Variants in PCDHGA11 observed in about 807,000 individuals in gnomAD.
PCDHGA11 encodes protocadherin gamma-A11.
In PCDHGA11, 39 loss-of-function variants were observed where a neutral mutation model predicts 60.4. The ratio of observed to expected loss-of-function variants is 0.65; its 90% CI spans 0.50 to 0.84. The LOEUF (loss-of-function observed/expected upper bound fraction) is 0.84. PCDHGA11 is among the 40% of genes least tolerant of loss of function. The pLI is 0.00. For missense variants in PCDHGA11, 1,165 were observed against 1,197.7 expected, an observed-to-expected ratio of 0.97 and a Z score of 0.40; for synonymous variants, 533 against 510.3, an observed-to-expected ratio of 1.04 and a Z score of -0.60.
intron 1 of PCDHGA11, among the ~76,000 whole-genome samples, chr5:141,457,656 G>T (rs2098926936): frequency 6.6e-6 from 1 of 152,244 alleles, no homozygotes; most frequent in Non-Finnish European, 1.5e-5. Context: ...ATGAAGTGCA[G>T]CAAGAATGGT....
At chr5:141,483,104 A>G (rs2099577128) in intron 1 of PCDHGA11, among the ~76,000 whole-genome samples, 1 of 152,140 alleles carries the variant, frequency 6.6e-6, no homozygotes, top group African/African-American at 2.4e-5. Flanking sequence ...GTGTGCGTGT[A>G]AAACAGACAG....
At chr5:141,437,205 A>G (rs1561884114) in intron 1 of PCDHGA11, among the ~76,000 whole-genome samples, 1 of 152,202 alleles carries the variant, frequency 6.6e-6, no homozygotes, top group African/African-American at 2.4e-5. Context: ...ATGTGTTTAC[A>G]TTTATTCTGA....
At position 141,429,387 on chromosome 5, in the gene PCDHGA11, TAAAAA is replaced by T. The variant is rs11410533; in HGVS notation, c.2433+5731_2433+5735del. On this transcript the variant is annotated intron_variant, in intron 1 of 3. Transcript: ENST00000398587. ...AAATGGAGAAAATGTGTTTTTTTTT[TAAAAA>T]AAATTGAGATTAAGGTCTCATTATG... 8.8e-4 allele frequency among the ~76,000 whole-genome samples: 134 copies of T among 151,448 alleles called. 1 individual carries two copies. Among genetic ancestry groups the T allele is most frequent in the Non-Finnish European group, 1.5e-3 (103 of 67,818 alleles).
chr5:141,477,705 G>A lies in PCDHGA11; in HGVS notation c.2434-17102G>A, dbSNP rs1285254654. On this transcript the variant is annotated intron_variant, in intron 1 of 3. Coordinates refer to ENST00000398587, the MANE Select transcript of PCDHGA11 (RefSeq NM_018914.3). The surrounding 1 kb of genome is among the most constrained non-coding windows in gnomAD (Gnocchi z 4.9). ...TTAGTGCCCCTAGACTATGAGGATCGGCGGGAATTTGAATTAACAGCTCAT... is the reference window on the plus strand; with the variant it reads ...TTAGTGCCCCTAGACTATGAGGATCAGCGGGAATTTGAATTAACAGCTCAT... The A allele has an allele frequency of 6.2e-7, 1 of 1,614,008 alleles. No homozygotes were observed. Among genetic ancestry groups the A allele is most frequent in the Non-Finnish European group, 8.5e-7 (1 of 1,180,048 alleles).
At chr5:141,444,876 G>A (rs921183358) in intron 1 of PCDHGA11, among the ~76,000 whole-genome samples, 1 of 152,186 alleles carries the variant, frequency 6.6e-6, no homozygotes, top group African/African-American at 2.4e-5. Flanking sequence ...GACAAAGCTT[G>A]TAGGATTTTT....
At chr5:141,428,102 G>T (rs774075619) in intron 1 of PCDHGA11, 38 of 1,608,516 alleles carry the variant, frequency 2.4e-5, no homozygotes, top group Non-Finnish European at 3.2e-5. Flanking sequence ...CCTACCACGT[G>T]CTGCAGGCCA....
rs771827702 is a variant in PCDHGA11, at chr5:141,423,567, C to T, written c.2340C>T (p.Leu780=). Residue 780 remains leucine, a synonymous_variant, in exon 1 of 4, where the codon CTC becomes CTT. Transcript: ENST00000398587. ...IFPQPNYGDT[L]ISQESCEKSE... ...CCCAGCCCAACTATGGGGACACGCT[C>T]ATCAGCCAGGAGAGCTGTGAGAAAA... The T allele has an allele frequency of 2.5e-6, 4 of 1,613,602 alleles. No individual in the cohort carries two copies. The highest frequency in any genetic ancestry group is 1.7e-5 in the Admixed American group (1 of 60,018).
At chr5:141,470,858 TTTTG>T (rs775688955) in intron 1 of PCDHGA11, among the ~76,000 whole-genome samples, 79 of 151,956 alleles carry the variant, frequency 5.2e-4, no homozygotes, top group Non-Finnish European at 3.5e-4. Context: ...CAGATAAGTT[TTTTG>T]TTTGTTTGTT....
At chr5:141,433,361 A>G (rs1208326325) in intron 1 of PCDHGA11, 15 of 297,508 alleles carry the variant, frequency 5.0e-5, no homozygotes, top group Non-Finnish European at 7.0e-5. Context: ...CTGTCTGCCT[A>G]TCTATCTATC....
chr5:141,471,124 A>C (rs2099250596), intron 1 of PCDHGA11, among the ~76,000 whole-genome samples: 1 of 141,916 alleles, frequency 7.0e-6, no homozygotes, highest in East Asian at 2.1e-4. Flanking sequence ...TCTTACCTTC[A>C]CTGCAACCTC....
intron 1 of PCDHGA11, among the ~76,000 whole-genome samples, chr5:141,484,179 A>G (rs2099592960): frequency 6.6e-6 from 1 of 152,222 alleles, no homozygotes; most frequent in South Asian, 2.1e-4. Context: ...GATCTCAATC[A>G]TTCAAGGAAG....
In PCDHGA11 at chr5:141,489,782, A is replaced by C. The variant is rs770399288; in HGVS notation, c.2434-5025A>C. On this transcript the variant is annotated intron_variant, in intron 1 of 3. Coordinates refer to ENST00000398587, the MANE Select transcript of PCDHGA11 (RefSeq NM_018914.3). The surrounding 1 kb of genome is among the most constrained non-coding windows in gnomAD (Gnocchi z 4.5). ...AGCCCCAACAGCCACTTCTCTCTGA[A>C]TGTGAAGACCCTAAAAGATGGGAAG... 2 of 1,614,078 alleles carry C rather than the reference A, an allele frequency of 1.2e-6. No homozygotes were observed. The highest frequency in any genetic ancestry group is 2.2e-5 in the East Asian group (1 of 44,894).
chr5:141,472,673 C>T (rs2099292538), intron 1 of PCDHGA11, among the ~76,000 whole-genome samples: 3 of 151,340 alleles, frequency 2.0e-5, no homozygotes, highest in Admixed American at 2.0e-4. Context: ...GTATACTGGT[C>T]CTTCCATTTC....
chr5:141,508,867 G>A (rs2099872497), intron 3 of PCDHGA11, among the ~76,000 whole-genome samples: 1 of 152,108 alleles, frequency 6.6e-6, no homozygotes. Flanking sequence ...GGGAAAGGCT[G>A]AAGAGGCTGA....
At position 141,423,513 on chromosome 5, in the gene PCDHGA11, G is replaced by A; in HGVS notation, c.2286G>A (p.Ala762=). 1.2e-6 allele frequency: 2 copies of A among 1,613,750 alleles called. No homozygotes were observed. Residue 762 remains alanine (A), a synonymous_variant, in exon 1 of 4, where the codon GCG becomes GCA. Transcript: ENST00000398587. The part of the protein sequence containing the change: ...QTYSHEVSLI[A]DSQKSHLIFP... ...ATTCCCACGAGGTCTCTCTCATTGC[G>A]GACTCGCAGAAGAGTCACCTGATTT...
chr5:141,501,331 A>ACC (rs906542724), intron 2 of PCDHGA11, among the ~76,000 whole-genome samples: 1 of 138,846 alleles, frequency 7.2e-6, no homozygotes, highest in Non-Finnish European at 1.6e-5. Flanking sequence ...ACACACACAC[A>ACC]CACCCCAAAC....
At chr5:141,456,687 A>G (rs1053490307) in intron 1 of PCDHGA11, among the ~76,000 whole-genome samples, 1 of 152,156 alleles carries the variant, frequency 6.6e-6, no homozygotes. Context: ...ATTACTGGCC[A>G]GGCGTGGTGG....
chr5:141,511,144 A>C lies in PCDHGA11; in HGVS notation c.2779A>C (p.Lys927Gln). 2 of 1,614,202 alleles carry C rather than the reference A, an allele frequency of 1.2e-6. No homozygotes were observed. The highest frequency in any genetic ancestry group is 1.7e-6 in the Non-Finnish European group (2 of 1,180,016). The change falls in exon 4 of 4, where the codon AAG becomes CAG. Residue 927 changes from lysine to glutamine, a missense_variant. By Grantham distance (53) the Lys-to-Gln change is moderately conservative. Transcript: ENST00000398587. Reference sequence around the variant, plus strand: ...CCCAGCAGGTGGCAATGGCAACAAGAAGAAGTCGGGCAAGAAGGAGAAGAA... The same window carrying C: ...CCCAGCAGGTGGCAATGGCAACAAGCAGAAGTCGGGCAAGAAGGAGAAGAA... ...KAPAGGNGNK[K>Q]KSGKKEKK
intron 1 of PCDHGA11, chr5:141,427,868 C>T (rs1311930991): frequency 4.5e-6 from 7 of 1,559,298 alleles, no homozygotes; most frequent in African/African-American, 2.7e-5. Context: ...CCTTCGAGCT[C>T]ACGATGCAGG....
Sources: allele counts gnomAD v4.1 joint callset (sites outside exome capture counted in the v4.1 genomes callset), GRCh38; gene constraint gnomAD v4.1.1; non-coding constraint Gnocchi (gnomAD v3.1); transcripts MANE v1.5; gene names NCBI Gene and HGNC (gene_info 2026-07-23, HGNC 2026-07-21).